The following MCC variants were observed in gnomAD, a reference collection of about 807,000 sequenced individuals.
MCC encodes the protein colorectal mutant cancer protein.
In MCC, 90 loss-of-function variants were observed where a neutral mutation model predicts 116.2. The observed-to-expected ratio is 0.77, with a 90% confidence interval of 0.65 to 0.92. The LOEUF (loss-of-function observed/expected upper bound fraction) is 0.92. Ranked by LOEUF, MCC falls within the 40% of genes least tolerant of loss-of-function variation. MCC has a pLI of 0.00. For missense variants in MCC, 1,516 were observed against 1,312.2 expected (o/e 1.16, Z -2.40); for synonymous variants, 578 against 510.5 (o/e 1.13, Z -1.78).
intron 3 of MCC, among the ~76,000 whole-genome samples, chr5:113,264,406 A>G (rs760229669): frequency 8.5e-5 from 13 of 152,220 alleles, no homozygotes; most frequent in Non-Finnish European, 1.8e-4. Flanking sequence ...CACTGAACTT[A>G]AAATCTTTTC....
At chr5:113,384,816 G>C in intron 2 of MCC, 152 bp downstream of exon 2, 2 of 781,200 alleles carry the variant, frequency 2.6e-6, no homozygotes, top group Non-Finnish European at 4.1e-6. Flanking sequence ...GGGGGAAACA[G>C]TGAGCACTCC....
At chr5:113,139,403 A>G (rs1759041096) in intron 5 of MCC, among the ~76,000 whole-genome samples, 1 of 152,168 alleles carries the variant, frequency 6.6e-6, no homozygotes, top group South Asian at 2.1e-4. Flanking sequence ...GAAAAGTCCT[A>G]TCAATAAAGT....
At chr5:113,416,327 G>A (rs1229856402) in intron 1 of MCC, among the ~76,000 whole-genome samples, 2 of 152,192 alleles carry the variant, frequency 1.3e-5, no homozygotes, top group African/African-American at 4.8e-5. Context: ...ACTGAAACAG[G>A]AGGATTGCTT....
At chr5:113,417,432 T>C (rs142902622) in intron 1 of MCC, among the ~76,000 whole-genome samples, 164 of 152,360 alleles carry the variant, frequency 1.1e-3, no homozygotes, top group African/African-American at 3.7e-3. Context: ...AATGCTGTTA[T>C]GGCTTTAACC....
In MCC at chr5:113,399,290, C is replaced by A. The variant is rs538291942; in HGVS notation, c.171-14078G>T. ...CACGAGATCAGGAGATTGAGACCATCCTGGCTAACAAGGTGAAACCCTGTC... is the reference window on the plus strand; with the variant it reads ...CACGAGATCAGGAGATTGAGACCATACTGGCTAACAAGGTGAAACCCTGTC... On this transcript the variant is annotated intron_variant, in intron 1 of 18. Transcript: ENST00000408903. 1.3e-3 allele frequency among the ~76,000 whole-genome samples: 194 copies of A among 152,204 alleles called. 1 individual carries two copies. Among genetic ancestry groups the A allele is most frequent in the African/African-American group, 4.4e-3 (184 of 41,524 alleles).
intron 14 of MCC, among the ~76,000 whole-genome samples, chr5:113,062,048 G>C (rs1404219861): frequency 6.6e-6 from 1 of 152,206 alleles, no homozygotes; most frequent in Non-Finnish European, 1.5e-5. Flanking sequence ...TGCCTCGTGT[G>C]TGGTTCTTCC....
At chr5:113,413,232 C>CTT (rs201010913) in intron 1 of MCC, among the ~76,000 whole-genome samples, 1 of 152,008 alleles carries the variant, frequency 6.6e-6, no homozygotes, top group Non-Finnish European at 1.5e-5. Context: ...CTAAAATTCT[C>CTT]TTTTTTGGTT....
intron 11 of MCC, among the ~76,000 whole-genome samples, chr5:113,080,236 A>T (rs1041537013): frequency 6.6e-6 from 1 of 152,248 alleles, no homozygotes; most frequent in East Asian, 1.9e-4. Flanking sequence ...ATTGTGGAAG[A>T]CAGTGTGGTG....
intron 8 of MCC, among the ~76,000 whole-genome samples, chr5:113,087,772 T>C (rs1184109551): frequency 4.3e-5 from 2 of 46,136 alleles, no homozygotes; most frequent in South Asian, 5.5e-4. Flanking sequence ...CTACTCATCT[T>C]TTTTTTTTTT....
chr5:113,056,915 T>C (rs544353122), intron 14 of MCC, among the ~76,000 whole-genome samples: 1 of 152,050 alleles, frequency 6.6e-6, no homozygotes, highest in South Asian at 2.1e-4. Context: ...ACACAGTCCA[T>C]GAGATGGTGA....
At chr5:113,086,711 G>C (rs373762709) in intron 8 of MCC, among the ~76,000 whole-genome samples, 1 of 151,398 alleles carries the variant, frequency 6.6e-6, no homozygotes, top group Non-Finnish European at 1.5e-5. Context: ...TGAGAGTGCA[G>C]TGTCTACCTG....
At chr5:113,134,555 C>CT in intron 5 of MCC, among the ~76,000 whole-genome samples, 11,500 of 30,280 alleles carry the variant, frequency 0.38, 2,421 homozygotes, top group Non-Finnish European at 0.47. Flanking sequence ...GCTATTTGGG[C>CT]TTTTTTTTTT....
In MCC at chr5:113,179,638, A is replaced by G. The variant is rs184554099; in HGVS notation, c.628-28216T>C. Among the ~76,000 whole-genome samples the G allele has an allele frequency of 2.2e-3, 337 of 152,354 alleles. 1 individual carries two copies. The highest frequency in any genetic ancestry group is 3.6e-3 in the Non-Finnish European group (243 of 68,036). ...ATGCCAGTGTATCTTCTCATTTACC[A>G]ATTAATAACATGCAAGTTCTAGAAA... On this transcript the variant is annotated intron_variant, in intron 3 of 18. Coordinates refer to ENST00000408903, the MANE Select transcript of MCC (RefSeq NM_001085377.2).
intron 1 of MCC, among the ~76,000 whole-genome samples, chr5:113,465,227 A>G (rs1306137029): frequency 6.6e-6 from 1 of 151,894 alleles, no homozygotes; most frequent in African/African-American, 2.4e-5. Context: ...CCATAATGAG[A>G]TGCAAATATA....
chr5:113,131,561 A>C (rs59490914), intron 5 of MCC, among the ~76,000 whole-genome samples: 1 of 152,016 alleles, frequency 6.6e-6, no homozygotes, highest in African/African-American at 2.4e-5. Flanking sequence ...AGTAGAAAGG[A>C]TTTAACTTAG....
chr5:113,476,352 G>A (rs1245957967), intron 1 of MCC, among the ~76,000 whole-genome samples: 1 of 152,202 alleles, frequency 6.6e-6, no homozygotes. Flanking sequence ...TAGGCACACA[G>A]AGCAATGGAA....
At chr5:113,326,981 T>C (rs191722625) in intron 3 of MCC, among the ~76,000 whole-genome samples, 2 of 152,314 alleles carry the variant, frequency 1.3e-5, no homozygotes, top group African/African-American at 2.4e-5. Flanking sequence ...AAGCATAAGA[T>C]GCTAATGTCA....
intron 8 of MCC, among the ~76,000 whole-genome samples, chr5:113,085,890 A>G (rs1279621731): frequency 6.6e-6 from 1 of 152,118 alleles, no homozygotes; most frequent in Admixed American, 6.5e-5. Context: ...GAGTCTCGCT[A>G]TGTTGCCAGG....
intron 6 of MCC, among the ~76,000 whole-genome samples, chr5:113,111,999 C>G (rs1757126717): frequency 6.6e-6 from 1 of 152,160 alleles, no homozygotes; most frequent in South Asian, 2.1e-4. Context: ...CAAACAAGCC[C>G]TGTAAAAATC....
Sources: gnomAD v4.1 joint callset for allele counts (sites outside exome capture counted in the v4.1 genomes callset) on GRCh38, gnomAD v4.1.1 for gene constraint, MANE v1.5 for transcripts, NCBI Gene and HGNC (gene_info 2026-07-23, HGNC 2026-07-21) for gene names.